Variants in CLN5 observed in about 807,000 individuals in gnomAD.
CLN5 encodes the protein bis(monoacylglycero)phosphate synthase CLN5.
CLN5 carries 34 observed loss-of-function variants against 36.7 expected under a neutral mutation model. The ratio of observed to expected loss-of-function variants is 0.93; its 90% confidence interval spans 0.71 to 1.23. CLN5 has a LOEUF of 1.23. Ranked by LOEUF, CLN5 falls within the 50% of genes most tolerant of loss-of-function variation. The pLI is 0.00. For missense variants in CLN5, 427 were observed against 439.4 expected (o/e 0.97, Z 0.25); for synonymous variants, 151 against 155.1 (o/e 0.97, Z 0.20).
rs970813924 is a variant in CLN5, at chr13:77,004,132, C to G, written c.*3163C>G. ...AAACCTACTAACTTTATTTGGAACC[C>G]TCAATATTGGTGGCTCCTTAAAAAT... On this transcript the variant is annotated 3_prime_UTR_variant, in exon 4 of 4. Transcript: ENST00000377453. 6.6e-6 allele frequency: 1 copy of G among 152,076 alleles called. No individual in the cohort carries two copies. Among genetic ancestry groups the G allele is most frequent in the Non-Finnish European group, 1.5e-5 (1 of 68,032 alleles). 9.4% of individuals were successfully genotyped at this position (152,076 alleles called of 1,614,324 possible).
rs11313582 is a variant in CLN5, at chr13:77,003,148, TA to T, written c.*2196del. The T allele has an allele frequency of 0.22, 27,768 of 124,382 alleles. 6,069 individuals are homozygous for T. The highest frequency in any genetic ancestry group is 0.58 in the African/African-American group (21,194 of 36,740). 7.7% of individuals were successfully genotyped at this position (124,382 alleles called of 1,614,324 possible). ...GGTGAAACCCCGTTTCTCCTAAAAT[TA>T]AAAAAAAAAAAAAAAAGCTAGGGGT... On this transcript the variant is annotated 3_prime_UTR_variant, in exon 4 of 4. Transcript: ENST00000377453.
rs765252923 is a variant in CLN5 at position 76,992,268 on chromosome 13, A to G, written c.170A>G (p.Tyr57Cys). Residue 57 changes from tyrosine (Y) to cysteine (C), a missense_variant, in exon 1 of 4, where the codon TAC (tyrosine) becomes TGC (cysteine). Tyr to Cys is a radical substitution (Grantham distance 194, BLOSUM62 -2). Transcript: ENST00000377453. ...IPSRRHWPVPYKRFDFRPKPD... is the reference protein window; with the variant it reads ...IPSRRHWPVPCKRFDFRPKPD... ...TCCCGGCGCCACTGGCCGGTGCCCT[A>G]CAAGTGAGTGCGGCGGCGCGCGCAC... The G allele has an allele frequency of 7.0e-6, 11 of 1,569,622 alleles. No individual in the cohort carries two copies. Among genetic ancestry groups the G allele is most frequent in the Middle Eastern group, 2.3e-4 (1 of 4,406 alleles).
chr13:76,992,402 G>C (rs2154034322), intron 1 of CLN5, 131 bp downstream of exon 1: 3 of 1,102,238 alleles, frequency 2.7e-6, no homozygotes, highest in Non-Finnish European at 2.5e-6. Flanking sequence ...ACAGCGCCGG[G>C]TGACGCTCGG....
chr13:76,993,683 C>T (rs547103526), intron 1 of CLN5: 1 of 152,082 alleles, frequency 6.6e-6, no homozygotes, highest in Non-Finnish European at 1.5e-5. Context: ...GTGAAATCTC[C>T]ATGTGATTAT....
intron 3 of CLN5, chr13:76,996,783 G>T (rs150715913): frequency 6.6e-6 from 1 of 152,662 alleles, no homozygotes; most frequent in Non-Finnish European, 1.5e-5. Flanking sequence ...TATTTTTTGC[G>T]TATAATGAGT....
At position 77,004,604 on chromosome 13, in the gene CLN5, A is replaced by C. The variant is rs535474775; in HGVS notation, c.*3635A>C. ...CTGGTAAAATTAAAACCAGCCCCACAAACTGGGGTTGGAGTCTGTGCAAAG... is the reference window on the plus strand; with the variant it reads ...CTGGTAAAATTAAAACCAGCCCCACCAACTGGGGTTGGAGTCTGTGCAAAG... On this transcript the variant is annotated 3_prime_UTR_variant, in exon 4 of 4. Coordinates refer to ENST00000377453, the MANE Select transcript of CLN5 (RefSeq NM_006493.4). The C allele has an allele frequency of 2.0e-5, 3 of 152,186 alleles. No individual in the cohort carries two copies. Among genetic ancestry groups the C allele is most frequent in the Non-Finnish European group, 4.4e-5 (3 of 68,018 alleles). The allele number at this position is 152,186 out of a possible 1,614,324, so 9.4% of individuals were successfully genotyped here. A position where few individuals can be genotyped will look rare whatever the true frequency, so the allele number is the denominator to read the frequency against.
chr13:77,001,125 T>C lies in CLN5; in HGVS notation c.*156T>C, dbSNP rs754244826. 1 of 623,998 alleles carries C rather than the reference T, an allele frequency of 1.6e-6. No individual in the cohort carries two copies. The highest frequency in any genetic ancestry group is 3.0e-5 in the East Asian group (1 of 33,270). The allele number at this position is 623,998 out of a possible 1,614,324, so 38.7% of individuals were successfully genotyped here. A position where few individuals can be genotyped will look rare whatever the true frequency, so the allele number is the denominator to read the frequency against. On this transcript the variant is annotated 3_prime_UTR_variant, in exon 4 of 4. Coordinates refer to ENST00000377453, the MANE Select transcript of CLN5 (RefSeq NM_006493.4). ...GCTGCATATTAACATCTCAGGACTCTTCTCTTGTAAAGAAGCTGAAATTCG... is the reference window on the plus strand; with the variant it reads ...GCTGCATATTAACATCTCAGGACTCCTCTCTTGTAAAGAAGCTGAAATTCG...
At position 77,000,955 on chromosome 13, in the gene CLN5, C is replaced by G. The variant is rs1423026364; in HGVS notation, c.1063C>G (p.Leu355Val). ...CCCTTTACCTATCAGAAACAAAACA[C>G]TCTCTGGTTTATAAAACACCTTAAT... ...EIPLPIRNKT[L>V]SGL The change falls in exon 4 of 4, where the codon CTC becomes GTC. Residue 355 changes from leucine to valine, a missense_variant. Coordinates refer to ENST00000377453, the MANE Select transcript of CLN5 (RefSeq NM_006493.4). 4.4e-6 allele frequency: 7 copies of G among 1,605,510 alleles called. No homozygotes were observed. Among genetic ancestry groups the G allele is most frequent in the Middle Eastern group, 1.7e-4 (1 of 6,044 alleles).
rs907749335 is a variant in CLN5, at chr13:77,002,535, C to G, written c.*1566C>G. On this transcript the variant is annotated 3_prime_UTR_variant, in exon 4 of 4. Transcript: ENST00000377453. ...AGCTTGTATTTTATGTGTCTTTGGT[C>G]TTATTTTGTCTAGGAATTCATTTTT... 6.8e-6 allele frequency: 1 copy of G among 147,854 alleles called. No homozygotes were observed. Among genetic ancestry groups the G allele is most frequent in the African/African-American group, 2.5e-5 (1 of 40,212 alleles). 9.2% of individuals were successfully genotyped at this position (147,854 alleles called of 1,614,324 possible). A position where few individuals can be genotyped will look rare whatever the true frequency, so the allele number is the denominator to read the frequency against.
chr13:76,994,354 A>G (rs1022893112), intron 1 of CLN5: 1 of 152,140 alleles, frequency 6.6e-6, no homozygotes, highest in African/African-American at 2.4e-5. Flanking sequence ...TTAACCTTCT[A>G]ATCAACTACA....
In CLN5 at chr13:77,003,891, G is replaced by A. The variant is rs1001016373; in HGVS notation, c.*2922G>A. On this transcript the variant is annotated 3_prime_UTR_variant, in exon 4 of 4. Coordinates refer to ENST00000377453, the MANE Select transcript of CLN5 (RefSeq NM_006493.4). ...GAATCCAGGAGGTGGAGGTTCCCAC[G>A]AGCCAAGATCGCACCACTGCACTCC... 5.3e-5 allele frequency: 8 copies of A among 152,192 alleles called. No homozygotes were observed. Among genetic ancestry groups the A allele is most frequent in the African/African-American group, 9.7e-5 (4 of 41,430 alleles). 9.4% of individuals were successfully genotyped at this position (152,192 alleles called of 1,614,324 possible). A position where few individuals can be genotyped will look rare whatever the true frequency, so the allele number is the denominator to read the frequency against.
chr13:76,992,614 G>GTC (rs1273542191), intron 1 of CLN5: 3 of 415,302 alleles, frequency 7.2e-6, no homozygotes, highest in African/African-American at 6.4e-5. Flanking sequence ...TAAAAACACT[G>GTC]TCTATCGCAT....
Position 77,000,466 on chromosome 13 carries a change from T to G in CLN5, c.574T>G (p.Phe192Val), listed in dbSNP as rs1555274325. 5.0e-6 allele frequency: 8 copies of G among 1,612,986 alleles called. No homozygotes were observed. Among genetic ancestry groups the G allele is most frequent in the Non-Finnish European group, 6.8e-6 (8 of 1,179,626 alleles). Residue 192 changes from phenylalanine to valine, a missense_variant, in exon 4 of 4, where the codon TTC (phenylalanine) becomes GTC (valine). By Grantham distance (50) the Phe-to-Val change is conservative. Transcript: ENST00000377453. The part of the protein sequence containing the change: ...VQVATISGNM[F>V]NQMAKWVKQD... ...TTGTTTTTTTAAACTAGGAAACATGTTCAACCAAATGGCAAAGTGGGTGAA... is the reference window on the plus strand; with the variant it reads ...TTGTTTTTTTAAACTAGGAAACATGGTCAACCAAATGGCAAAGTGGGTGAA...
At chr13:76,997,886 T>C (rs2034294794) in intron 3 of CLN5, 1 of 152,240 alleles carries the variant, frequency 6.6e-6, no homozygotes. Flanking sequence ...ATGTTAACTA[T>C]ATCTGAAAAA....
intron 2 of CLN5, chr13:76,995,618 C>T (rs995964562): frequency 1.4e-5 from 7 of 517,192 alleles, no homozygotes; most frequent in African/African-American, 1.3e-4. Flanking sequence ...ATGGGGGCTC[C>T]TCACACTTAT....
rs912104329 is a variant in CLN5 at position 77,001,244 on chromosome 13, T to C, written c.*275T>C. The C allele has an allele frequency of 1.4e-5, 4 of 294,448 alleles. No homozygotes were observed. Among genetic ancestry groups the C allele is most frequent in the African/African-American group, 2.2e-5 (1 of 45,160 alleles). 18.2% of individuals were successfully genotyped at this position (294,448 alleles called of 1,614,324 possible). A position where few individuals can be genotyped will look rare whatever the true frequency, so the allele number is the denominator to read the frequency against. ...AGAATTATGGTTCATATCAGTTATG[T>C]AGGACCTTTGGACCCAGGGTCCTAC... On this transcript the variant is annotated 3_prime_UTR_variant, in exon 4 of 4. Coordinates refer to ENST00000377453, the MANE Select transcript of CLN5 (RefSeq NM_006493.4).
chr13:76,999,129 A>T (rs1330845981), intron 3 of CLN5: 1 of 152,244 alleles, frequency 6.6e-6, no homozygotes, highest in African/African-American at 2.4e-5. Flanking sequence ...AATGCTAAGA[A>T]CAGTATCCCC....
chr13:76,995,808 AT>A (rs2034255003), intron 2 of CLN5, 93 bp from the exon 3 acceptor site: 2 of 873,914 alleles, frequency 2.3e-6, no homozygotes, highest in Non-Finnish European at 3.9e-6. Flanking sequence ...TCTACTTGAT[AT>A]GCATTTGTGA....
chr13:76,992,542 G>A (rs2034199038), intron 1 of CLN5: 5 of 528,544 alleles, frequency 9.5e-6, no homozygotes, highest in Non-Finnish European at 1.7e-5. Flanking sequence ...AAGAAGAAAA[G>A]GAGAGTAATG....
Sources: allele counts gnomAD v4.1 joint callset, GRCh38; gene constraint gnomAD v4.1.1; transcripts MANE v1.5; gene names NCBI Gene and HGNC (gene_info 2026-07-23, HGNC 2026-07-21).